HYDIN: variants seen among roughly 807,000 people sequenced by gnomAD.
The protein encoded by HYDIN is HYDIN axonemal central pair apparatus protein.
Under a neutral mutation model 403.9 loss-of-function variants are expected in HYDIN, and 132 were observed. The ratio of observed to expected loss-of-function variants is 0.33; its 90% CI spans 0.28 to 0.38. The LOEUF is 0.38. Among genes scored for constraint, HYDIN ranks in the 10% least tolerant of loss-of-function variants. HYDIN has a pLI of 1.00. For missense variants in HYDIN, 2,827 were observed against 5,009.5 expected (o/e 0.56, Z 13.15); for synonymous variants, 1,202 against 1,891.7 (o/e 0.64, Z 9.46).
chr16:71,083,643 T>C (rs2082849568), intron 12 of HYDIN, among the ~76,000 whole-genome samples: 1 of 150,920 alleles, frequency 6.6e-6, no homozygotes, highest in Non-Finnish European at 1.5e-5. Flanking sequence ...TTGTTTCAGT[T>C]ACTTATGGTC....
At chr16:70,814,504 G>A (rs2143441783) in intron 84 of HYDIN, among the ~76,000 whole-genome samples, 2 of 61,150 alleles carry the variant, frequency 3.3e-5, no homozygotes, top group East Asian at 7.4e-4. Context: ...GCCTAAGCTG[G>A]AGGAATATTT....
At chr16:71,078,405 G>A (rs1597725799) in intron 13 of HYDIN, among the ~76,000 whole-genome samples, 3 of 152,174 alleles carry the variant, frequency 2.0e-5, no homozygotes, top group South Asian at 4.1e-4. Context: ...ATTTTTTAAA[G>A]AAGTTGTATA....
chr16:71,075,149 T>C (rs1371421750), intron 13 of HYDIN, among the ~76,000 whole-genome samples: 3 of 151,488 alleles, frequency 2.0e-5, no homozygotes, highest in African/African-American at 7.3e-5. Flanking sequence ...TAAGTTTCCA[T>C]GTCTCAGGTT....
Position 70,941,730 on chromosome 16 carries a change from C to G in HYDIN, c.6759G>C (p.Lys2253Asn), listed in dbSNP as rs767337194. 2 of 1,594,870 alleles carry G rather than the reference C, an allele frequency of 1.3e-6. No individual in the cohort carries two copies. Among genetic ancestry groups the G allele is most frequent in the Non-Finnish European group, 1.7e-6 (2 of 1,171,738 alleles). Residue 2253 changes from lysine to asparagine, a missense_variant, in exon 43 of 86, where the codon AAG (lysine) becomes AAC (asparagine). Coordinates refer to ENST00000393567, the MANE Select transcript of HYDIN (RefSeq NM_001270974.2). Reference sequence around the variant, plus strand: ...ATATATGCTCCCGGCTGCCAATGGCCTTCAGCAGGCAGAGGAGGGCGGCTG... The same window carrying G: ...ATATATGCTCCCGGCTGCCAATGGCGTTCAGCAGGCAGAGGAGGGCGGCTG... ...NAAAALLCLL[K>N]AIGSREHIYI...
intron 41 of HYDIN, among the ~76,000 whole-genome samples, chr16:70,949,953 G>A (rs1029557242): frequency 6.6e-6 from 1 of 151,748 alleles, no homozygotes; most frequent in Non-Finnish European, 1.5e-5. Flanking sequence ...AGAGAAATAA[G>A]TTTTAGTTCA....
intron 83 of HYDIN, among the ~76,000 whole-genome samples, chr16:70,819,974 A>ATTTT (rs56879257): frequency 1.6e-5 from 2 of 123,216 alleles, no homozygotes; most frequent in Non-Finnish European, 3.4e-5. Context: ...CGCCTGGCTA[A>ATTTT]TTTTTTTTTT....
rs564369446 is a variant in HYDIN at position 71,192,439 on chromosome 16, G to A, written c.-23-5521C>T. Among the ~76,000 whole-genome samples, 6 of 151,944 alleles carry A rather than the reference G, an allele frequency of 3.9e-5. No individual in the cohort carries two copies. The South Asian group carries it at 6.2e-4, about 16-fold the overall frequency. ...TTCTCTGCCTAAAATCGTTTCGTCC[G>A]GAACACTCTCCACACTCCTTAGCAT... On this transcript the variant is annotated intron_variant, in intron 1 of 85. Transcript: ENST00000393567.
rs200530789 is a variant in HYDIN, at chr16:71,175,661, C to T, written c.462G>A (p.Val154=). 1 of 1,614,082 alleles carries T rather than the reference C, an allele frequency of 6.2e-7. No individual in the cohort carries two copies. Among genetic ancestry groups the T allele is most frequent in the African/African-American group, 1.3e-5 (1 of 75,058 alleles). The change falls in exon 5 of 86, where the codon GTG becomes GTA. Residue 154 remains valine (V), a synonymous_variant. Transcript: ENST00000393567. The part of the protein sequence containing the change: ...VISPKDIGHK[V]APGVPSIFRI... ...GGAATATGGAAGGCACTCCAGGAGC[C>T]ACTTTGTGGCCAATATCTTTGGGGC...
chr16:70,903,369 C>A (rs558631288), intron 52 of HYDIN, among the ~76,000 whole-genome samples: 1 of 136,762 alleles, frequency 7.3e-6, no homozygotes, highest in African/African-American at 2.8e-5. Context: ...CACAGACATA[C>A]GCATATTTTG....
chr16:70,868,600 G>A lies in HYDIN; in HGVS notation c.11280C>T (p.Asn3760=). 1 of 1,613,296 alleles carries A rather than the reference G, an allele frequency of 6.2e-7. No individual in the cohort carries two copies. Among genetic ancestry groups the A allele is most frequent in the Non-Finnish European group, 8.5e-7 (1 of 1,179,946 alleles). Residue 3760 remains asparagine, a synonymous_variant, in exon 66 of 86, where the codon AAC becomes AAT. Coordinates refer to ENST00000393567, the MANE Select transcript of HYDIN (RefSeq NM_001270974.2). ...GTTTTGTAGTGAAAGTCCCAGGCATGTTTCTGGGTACGTCCACCCACTTGA... is the reference window on the plus strand; with the variant it reads ...GTTTTGTAGTGAAAGTCCCAGGCATATTTCTGGGTACGTCCACCCACTTGA... ...HTVKWVDVPR[N]MPGTFTTKRK... is the part of the protein sequence containing the mutation.
In HYDIN at chr16:70,896,331, G is replaced by A. The variant is rs560775235; in HGVS notation, c.9049-251C>T. 4.3e-4 allele frequency among the ~76,000 whole-genome samples: 65 copies of A among 151,648 alleles called. 2 individuals are homozygous for A. In the East Asian group the frequency reaches 0.012, roughly 29 times the overall value. Reference sequence around the variant, plus strand: ...ATTGTTGCTACATTACTGAAGTTTGGGCTTGGGGTAGACATTACAGGAAAG... The same window carrying A: ...ATTGTTGCTACATTACTGAAGTTTGAGCTTGGGGTAGACATTACAGGAAAG... On this transcript the variant is annotated intron_variant, in intron 53 of 85. Transcript: ENST00000393567.
intron 23 of HYDIN, among the ~76,000 whole-genome samples, chr16:71,003,124 G>A (rs1398413708): frequency 2.0e-5 from 3 of 151,894 alleles, no homozygotes; most frequent in Non-Finnish European, 2.9e-5. Context: ...TCTTTGTTCT[G>A]TTCCTTTATT....
Position 71,129,709 on chromosome 16 carries a change from C to T in HYDIN, c.1158G>A (p.Ala386=), listed in dbSNP as rs1460245464. ...CTCCCTGCACCAGCCTCCTCTGATT[C>T]GCAAAGGTTCGGGACAGAACAGAAA... ...EHLSVLSRTF[A]NQRRLVQGDS... is the part of the protein sequence containing the mutation. Residue 386 remains alanine (A), a synonymous_variant, in exon 9 of 86, where the codon GCG becomes GCA. Transcript: ENST00000393567. 5.0e-6 allele frequency: 8 copies of T among 1,614,078 alleles called. No homozygotes were observed. The highest frequency in any genetic ancestry group is 4.0e-5 in the African/African-American group (3 of 74,930).
intron 25 of HYDIN, among the ~76,000 whole-genome samples, chr16:70,989,937 A>G (rs1224169730): frequency 3.3e-5 from 5 of 152,236 alleles, no homozygotes; most frequent in Middle Eastern, 3.2e-3. Flanking sequence ...ACAAGCAAAG[A>G]TATCTATGTA....
intron 27 of HYDIN, 120 bp from the exon 28 acceptor site, chr16:70,985,442 T>A: frequency 1.9e-6 from 2 of 1,064,848 alleles, no homozygotes; most frequent in Middle Eastern, 4.1e-4. Context: ...TACTGGTCAA[T>A]CTACATCTCA....
chr16:70,870,123 T>C (rs7188340), intron 65 of HYDIN, among the ~76,000 whole-genome samples: 2,687 of 151,850 alleles, frequency 0.018, 45 homozygotes, highest in African/African-American at 0.062. Flanking sequence ...GCATAAAAAA[T>C]TTCTAAGCAG....
chr16:71,068,038 C>T (rs1261961605), intron 14 of HYDIN, among the ~76,000 whole-genome samples: 2 of 150,738 alleles, frequency 1.3e-5, no homozygotes, highest in East Asian at 3.9e-4. Context: ...ATGAATTGCA[C>T]AGACAATTCA....
At chr16:71,164,691 G>C (rs1283700228) in intron 5 of HYDIN, among the ~76,000 whole-genome samples, 1 of 93,634 alleles carries the variant, frequency 1.1e-5, no homozygotes, top group African/African-American at 4.5e-5. Context: ...GCATCTCATT[G>C]GATATAAACT....
intron 3 of HYDIN, among the ~76,000 whole-genome samples, chr16:71,183,844 A>G (rs914243385): frequency 6.6e-6 from 1 of 152,128 alleles, no homozygotes; most frequent in Non-Finnish European, 1.5e-5. Flanking sequence ...GAGGAGAGAA[A>G]GTGTAAAGTA....
Sources: allele counts gnomAD v4.1 joint callset (sites outside exome capture counted in the v4.1 genomes callset), GRCh38; gene constraint gnomAD v4.1.1; transcripts MANE v1.5; gene names NCBI Gene and HGNC (gene_info 2026-07-23, HGNC 2026-07-21).